Variants in ABCC10 observed in about 807,000 individuals in gnomAD.
The protein encoded by ABCC10 is ATP binding cassette subfamily C member 10.
A neutral mutation model predicts 143.2 loss-of-function variants in ABCC10; 110 were observed. The ratio of observed to expected loss-of-function variants is 0.77; its 90% CI spans 0.66 to 0.90. The LOEUF is 0.90. Ranked by LOEUF, ABCC10 falls within the 40% of genes least tolerant of loss-of-function variation. The pLI is 0.00. For missense variants in ABCC10, 1,700 were observed against 1,900.5 expected (o/e 0.89, Z 1.96); for synonymous variants, 805 against 846.7 (o/e 0.95, Z 0.85).
chr6:43,442,168 G>C (rs779859194), intron 9 of ABCC10: 1 of 414,796 alleles, frequency 2.4e-6, no homozygotes, highest in Non-Finnish European at 4.4e-6. Context: ...TTGTAGGCTG[G>C]GCATGGTGGC....
intron 16 of ABCC10, chr6:43,446,776 C>G: frequency 8.3e-7 from 1 of 1,201,114 alleles, no homozygotes; most frequent in Non-Finnish European, 1.0e-6. Context: ...CCAGGCCCAC[C>G]CCCTGCCCTG....
At chr6:43,431,426 T>C (rs549959657) in intron 2 of ABCC10, among the ~76,000 whole-genome samples, 12 of 152,304 alleles carry the variant, frequency 7.9e-5, no homozygotes, top group African/African-American at 2.9e-4. Context: ...ATTGGCGTGA[T>C]CTCAGCTCAC....
In ABCC10 at chr6:43,443,218, G is replaced by A; in HGVS notation, c.2416+59G>A. ...GTCTGCCCAGGTCTGGCAGGGGATT[G>A]TGAAGTACAGACTCTGCCCCCTGCT... On this transcript the variant is annotated intron_variant, in intron 10 of 21. Transcript: ENST00000372530. The surrounding 1 kb of genome is among the most constrained non-coding windows in gnomAD (Gnocchi z 4.2). 2 of 1,484,254 alleles carry A rather than the reference G, an allele frequency of 1.3e-6. No individual in the cohort carries two copies. Among genetic ancestry groups the A allele is most frequent in the Non-Finnish European group, 9.0e-7 (1 of 1,115,726 alleles). The allele number at this position is 1,484,254 out of a possible 1,614,324, so 91.9% of individuals were successfully genotyped here. A position where few individuals can be genotyped will look rare whatever the true frequency, so the allele number is the denominator to read the frequency against.
At chr6:43,431,853 G>A (rs757738662) in intron 2 of ABCC10, 35 of 1,283,122 alleles carry the variant, frequency 2.7e-5, no homozygotes, top group Middle Eastern at 2.9e-4. Context: ...AATTGTTAAT[G>A]TCTGTGGTTT....
rs1413090353 is a variant in ABCC10, at chr6:43,444,915, C to T, written c.2817C>T (p.Leu939=). Residue 939 remains leucine (L), a synonymous_variant, in exon 13 of 22, where the codon CTC becomes CTT. Transcript: ENST00000372530. The part of the protein sequence containing the change: ...ASMGLFSPQL[L]LFSPGNLYIP... ...TGGGGCTCTTCTCTCCGCAGCTGCT[C>T]CTCTTTTCCCCTGGAAACCTCTAGT... The T allele has an allele frequency of 1.2e-6, 2 of 1,613,208 alleles. No homozygotes were observed. The highest frequency in any genetic ancestry group is 1.7e-6 in the Non-Finnish European group (2 of 1,179,658).
chr6:43,447,856 T>G lies in ABCC10; in HGVS notation c.3878T>G (p.Leu1293Arg). 1 of 1,613,918 alleles carries G rather than the reference T, an allele frequency of 6.2e-7. No homozygotes were observed. Among genetic ancestry groups the G allele is most frequent in the Non-Finnish European group, 8.5e-7 (1 of 1,180,016 alleles). ...GSGKSSLLLV[L>R]FRLLEPSSGR... ...GGCAAGTCTTCCCTGTTGTTGGTGC[T>G]CTTCCGGCTGCTAGAGCCCAGTTCA... is the stretch of plus-strand genomic sequence containing the variant. Residue 1293 changes from leucine (L) to arginine (R), a missense_variant, in exon 18 of 22, where the codon CTC becomes CGC. Leu to Arg is a moderately radical substitution (Grantham distance 102, BLOSUM62 -2). Transcript: ENST00000372530.
intron 2 of ABCC10, among the ~76,000 whole-genome samples, chr6:43,430,378 A>G (rs910744440): frequency 6.6e-6 from 1 of 152,132 alleles, no homozygotes; most frequent in Non-Finnish European, 1.5e-5. Context: ...GGCTTGAGCC[A>G]CCATGCCCAG....
At chr6:43,437,840 G>A in intron 6 of ABCC10, 94 bp from the exon 7 acceptor site, 1 of 1,223,104 alleles carries the variant, frequency 8.2e-7, no homozygotes. Flanking sequence ...AGCCTCAGTG[G>A]GAGGACTGGC....
At chr6:43,433,991 ACC>A (rs1257583261) in intron 3 of ABCC10, among the ~76,000 whole-genome samples, 1 of 152,136 alleles carries the variant, frequency 6.6e-6, no homozygotes, top group Non-Finnish European at 1.5e-5. Flanking sequence ...ATAGTTGTCG[ACC>A]CTTAGTGGAA....
At chr6:43,429,494 G>A (rs943607360) in intron 2 of ABCC10, among the ~76,000 whole-genome samples, 4 of 151,458 alleles carry the variant, frequency 2.6e-5, no homozygotes, top group African/African-American at 9.7e-5. Flanking sequence ...GTACAGTGGT[G>A]CAATCACAGT....
intron 2 of ABCC10, among the ~76,000 whole-genome samples, chr6:43,429,371 C>G (rs866302339): frequency 1.3e-4 from 10 of 79,518 alleles, no homozygotes; most frequent in African/African-American, 4.2e-4. Flanking sequence ...TCTTTTCTTT[C>G]TTGTGTGTGT....
rs142810162 is a variant in ABCC10 at position 43,450,079 on chromosome 6, C to G, written c.4467C>G (p.Leu1489=). The change falls in exon 22 of 22, where the codon CTC becomes CTG. Residue 1489 remains leucine (L), a synonymous_variant. Transcript: ENST00000372530. The surrounding 1 kb of genome is among the most constrained non-coding windows in gnomAD (Gnocchi z 4.5). ...QSSQQGVPAS[L]GGP is the part of the protein sequence containing the mutation. ...GCCAGCAGGGAGTCCCTGCCTCACTCGGAGGTCCCTGAGCCCAATCCCACA... is the reference window on the plus strand; with the variant it reads ...GCCAGCAGGGAGTCCCTGCCTCACTGGGAGGTCCCTGAGCCCAATCCCACA... 8.1e-5 allele frequency: 129 copies of G among 1,601,662 alleles called. No individual in the cohort carries two copies. Among genetic ancestry groups the G allele is most frequent in the Non-Finnish European group, 1.0e-4 (121 of 1,173,378 alleles).
At chr6:43,440,863 C>A (rs1455431067) in intron 8 of ABCC10, among the ~76,000 whole-genome samples, 617 of 104,530 alleles carry the variant, frequency 5.9e-3, no homozygotes, top group Non-Finnish European at 7.0e-3. Flanking sequence ...GACTCCGTCT[C>A]AAAAAAAAAA....
chr6:43,427,880 G>A (rs772201777), intron 1 of ABCC10, 88 bp from the exon 2 acceptor site: 1 of 1,467,066 alleles, frequency 6.8e-7, no homozygotes, highest in South Asian at 1.1e-5. Flanking sequence ...GTTCCAGGGC[G>A]GGGCTGGAGA....
chr6:43,451,314 C>T (rs1156673707), downstream of ABCC10: 2 of 1,593,958 alleles, frequency 1.3e-6, no homozygotes, highest in South Asian at 2.3e-5. This position sits in a 1 kb window ranked among gnomAD's most constrained non-coding sequence, Gnocchi z 4.4. Context: ...ACCAACTTAC[C>T]AACACCTGTA....
chr6:43,428,071 G>A lies in ABCC10; in HGVS notation c.93G>A (p.Gln31=). The change falls in exon 2 of 22, where the codon CAG becomes CAA. Residue 31 remains glutamine (Q), a synonymous_variant. Coordinates refer to ENST00000372530, the MANE Select transcript of ABCC10 (RefSeq NM_001198934.2). ...ACACCACAGGCCACTGCTTCACCCA[G>A]CTGGTGCTCAGCGCCCTGCCCCACG... is the stretch of plus-strand genomic sequence containing the variant. The part of the protein sequence containing the change: ...EGDTTGHCFT[Q]LVLSALPHAL... 1 of 1,579,052 alleles carries A rather than the reference G, an allele frequency of 6.3e-7. No homozygotes were observed. Among genetic ancestry groups the A allele is most frequent in the Non-Finnish European group, 8.6e-7 (1 of 1,163,656 alleles).
rs771254664 is a variant in ABCC10 at position 43,448,038 on chromosome 6, A to G, written c.3959+101A>G. The G allele has an allele frequency of 2.2e-5, 33 of 1,528,188 alleles. No individual in the cohort carries two copies. In the East Asian group the frequency reaches 4.4e-4, roughly 20 times the overall value. 94.7% of individuals were successfully genotyped at this position (1,528,188 alleles called of 1,614,324 possible). On this transcript the variant is annotated intron_variant, in intron 18 of 21. Transcript: ENST00000372530. ...GGCTTTATATAAACTCACAGCAGCC[A>G]GGGCTGATCAGGGGGCTGAAATGGA...
chr6:43,433,229 C>T lies in ABCC10; in HGVS notation c.1249C>T (p.Gln417Ter), dbSNP rs766535956. ...GGCCATCACCCTCTACCTGCTGTAC[C>T]AGCAGGTAGGCGTGGCCTTCGTGGG... is the stretch of plus-strand genomic sequence containing the variant. The part of the protein sequence containing the change: ...QLAITLYLLY[Q>*]QVGVAFVGGL... Residue 417 changes from glutamine to a stop codon, truncating the protein, a stop_gained, in exon 3 of 22, where the codon CAG (glutamine) becomes TAG (stop). Coordinates refer to ENST00000372530, the MANE Select transcript of ABCC10 (RefSeq NM_001198934.2). LOFTEE classifies it high-confidence loss of function. The T allele has an allele frequency of 1.9e-6, 3 of 1,614,172 alleles. No homozygotes were observed. Among genetic ancestry groups the T allele is most frequent in the Non-Finnish European group, 2.5e-6 (3 of 1,180,000 alleles).
chr6:43,429,328 ATT>A (rs1489959515), intron 2 of ABCC10, among the ~76,000 whole-genome samples: 1 of 111,384 alleles, frequency 9.0e-6, no homozygotes, highest in Non-Finnish European at 1.8e-5. Context: ...AAATATATAT[ATT>A]TTTTTCTTTT....
Sources: allele counts gnomAD v4.1 joint callset (sites outside exome capture counted in the v4.1 genomes callset), GRCh38; gene constraint gnomAD v4.1.1; non-coding constraint Gnocchi (gnomAD v3.1); transcripts MANE v1.5; gene names NCBI Gene and HGNC (gene_info 2026-07-23, HGNC 2026-07-21).